The following CARMIL1 variants were observed in gnomAD, a reference collection of about 807,000 sequenced individuals.
The protein encoded by CARMIL1 is F-actin-uncapping protein LRRC16A.
CARMIL1 carries 90 observed loss-of-function variants against 177.1 expected under a neutral mutation model. That is an observed-to-expected ratio of 0.51 (90% CI 0.43 to 0.61). The LOEUF is 0.61. Among genes scored for constraint, CARMIL1 ranks in the 20% least tolerant of loss-of-function variants. CARMIL1 has a pLI of 0.00. For synonymous variants in CARMIL1, 577 were observed against 606.2 expected, an observed-to-expected ratio of 0.95 and a Z score of 0.71; for missense variants, 1,380 against 1,667.0, an observed-to-expected ratio of 0.83 and a Z score of 3.00.
At chr6:25,284,135 G>A (rs1048323401) in intron 1 of CARMIL1, among the ~76,000 whole-genome samples, 2 of 152,194 alleles carry the variant, frequency 1.3e-5, no homozygotes, top group Admixed American at 6.5e-5. Context: ...GGGCACCAGA[G>A]GTAACCAGCC....
intron 2 of CARMIL1, among the ~76,000 whole-genome samples, chr6:25,381,391 A>G (rs1581742828): frequency 6.6e-6 from 1 of 152,168 alleles, no homozygotes; most frequent in Non-Finnish European, 1.5e-5. Flanking sequence ...CCAACAACCA[A>G]TTCTTCGACT....
intron 2 of CARMIL1, among the ~76,000 whole-genome samples, chr6:25,306,972 C>CA (rs1206887305): frequency 6.6e-6 from 1 of 151,424 alleles, no homozygotes; most frequent in Non-Finnish European, 1.5e-5. Context: ...TCTGCCTCCC[C>CA]AGTTCAAGTG....
chr6:25,507,634 T>G (rs115326808), intron 17 of CARMIL1: 4,088 of 152,668 alleles, frequency 0.027, 77 homozygotes, highest in South Asian at 0.1. Context: ...GTTACCTATA[T>G]TTTCTATTTC....
chr6:25,489,048 C>T lies in CARMIL1; in HGVS notation c.1065+463C>T, dbSNP rs138390829. 7.6e-4 allele frequency among the ~76,000 whole-genome samples: 115 copies of T among 152,146 alleles called. No homozygotes were observed. The East Asian group carries it at 0.011, about 15-fold the overall frequency. On this transcript the variant is annotated intron_variant, in intron 13 of 36. Coordinates refer to ENST00000329474, the MANE Select transcript of CARMIL1 (RefSeq NM_017640.6). ...AGCATGGTGGCACTTGCCTGTAGTC[C>T]CAGGTACTCAGGAGGCTGAGGCAGG...
intron 2 of CARMIL1, among the ~76,000 whole-genome samples, chr6:25,361,246 A>G (rs1789160981): frequency 6.6e-6 from 1 of 152,180 alleles, no homozygotes; most frequent in South Asian, 2.1e-4. Context: ...CAGGTAGTTT[A>G]TGGTTTTGCA....
intron 22 of CARMIL1, among the ~76,000 whole-genome samples, chr6:25,517,903 C>G (rs1471356026): frequency 1.3e-5 from 2 of 152,180 alleles, no homozygotes; most frequent in Non-Finnish European, 1.5e-5. Flanking sequence ...ACTTCAGTAA[C>G]TAAAGCCTGC....
intron 1 of CARMIL1, among the ~76,000 whole-genome samples, chr6:25,280,188 G>A (rs1233366042): frequency 6.6e-6 from 1 of 152,136 alleles, no homozygotes; most frequent in Non-Finnish European, 1.5e-5. Flanking sequence ...GCAAGCGAGG[G>A]GAGCCCTTTA....
chr6:25,413,745 A>C (rs1343356486), intron 2 of CARMIL1, among the ~76,000 whole-genome samples: 1 of 152,158 alleles, frequency 6.6e-6, no homozygotes, highest in African/African-American at 2.4e-5. Flanking sequence ...GTGGGAGGGA[A>C]GTTGTAGCTT....
At chr6:25,456,767 A>G (rs145399589) in intron 8 of CARMIL1, among the ~76,000 whole-genome samples, 1,748 of 152,278 alleles carry the variant, frequency 0.011, 24 homozygotes, top group African/African-American at 0.035. Flanking sequence ...AATCCCATCA[A>G]TTCTTTGAAG....
chr6:25,476,164 T>G (rs1801558831), intron 11 of CARMIL1, among the ~76,000 whole-genome samples: 1 of 152,228 alleles, frequency 6.6e-6, no homozygotes, highest in Non-Finnish European at 1.5e-5. Flanking sequence ...GAGAGATTTG[T>G]TTTGGATAGA....
chr6:25,452,337 GAGAA>G (rs763216171), intron 8 of CARMIL1: 2 of 681,160 alleles, frequency 2.9e-6, no homozygotes, highest in East Asian at 2.5e-5. Context: ...AAAGTGAACT[GAGAA>G]AGAAAAAGGG....
chr6:25,456,220 T>A (rs1201440543), intron 8 of CARMIL1, among the ~76,000 whole-genome samples: 2 of 152,250 alleles, frequency 1.3e-5, no homozygotes, highest in African/African-American at 4.8e-5. Flanking sequence ...TATATCTTGC[T>A]ACTGCACTAA....
Position 25,573,539 on chromosome 6 carries a change from C to T in CARMIL1, c.2743-7385C>T, listed in dbSNP as rs1582405480. On this transcript the variant is annotated intron_variant, in intron 29 of 36. Coordinates refer to ENST00000329474, the MANE Select transcript of CARMIL1 (RefSeq NM_017640.6). Reference sequence around the variant, plus strand: ...CTGATGAGACAGTGGCCAAAAGACGCCTCTGCCAGTTTTTTGCCAGCAATA... The same window carrying T: ...CTGATGAGACAGTGGCCAAAAGACGTCTCTGCCAGTTTTTTGCCAGCAATA... Among the ~76,000 whole-genome samples the T allele has an allele frequency of 3.4e-5, 5 of 146,840 alleles. No individual in the cohort carries two copies. In the South Asian group the frequency reaches 1.1e-3, roughly 32 times the overall value.
intron 33 of CARMIL1, among the ~76,000 whole-genome samples, chr6:25,603,881 A>C (rs1470989426): frequency 1.3e-5 from 2 of 151,938 alleles, no homozygotes; most frequent in African/African-American, 4.8e-5. Context: ...CCCCATCATC[A>C]CCATCACTAA....
intron 2 of CARMIL1, among the ~76,000 whole-genome samples, chr6:25,285,882 G>A (rs1389078449): frequency 1.3e-5 from 2 of 151,720 alleles, no homozygotes; most frequent in Non-Finnish European, 2.9e-5. Flanking sequence ...ATTTTTTAAA[G>A]TCTTTTTGAG....
chr6:25,561,836 T>G (rs1054373264), intron 29 of CARMIL1, among the ~76,000 whole-genome samples: 3 of 152,190 alleles, frequency 2.0e-5, no homozygotes, highest in African/African-American at 7.2e-5. Context: ...AATTTTCTCA[T>G]AATTTTATTC....
chr6:25,283,048 T>G (rs1781263498), intron 1 of CARMIL1, among the ~76,000 whole-genome samples: 1 of 152,094 alleles, frequency 6.6e-6, no homozygotes, highest in Non-Finnish European at 1.5e-5. Context: ...TTTTGGAGGA[T>G]AAGTAGAATA....
chr6:25,369,958 C>G (rs1235204016), intron 2 of CARMIL1: 1 of 152,280 alleles, frequency 6.6e-6, no homozygotes, highest in African/African-American at 2.4e-5. Context: ...TGGCTGATTC[C>G]TTTTCCTAAT....
chr6:25,574,888 CCTCCTTAATACT>C (rs1812445292), intron 29 of CARMIL1, among the ~76,000 whole-genome samples: 1 of 152,012 alleles, frequency 6.6e-6, no homozygotes, highest in Admixed American at 6.5e-5. Context: ...TAATGGCCCC[CCTCCTTAATACT>C]CTCTCTTTGG....
Sources: gnomAD v4.1 joint callset for allele counts (sites outside exome capture counted in the v4.1 genomes callset) on GRCh38, gnomAD v4.1.1 for gene constraint, MANE v1.5 for transcripts, NCBI Gene and HGNC (gene_info 2026-07-23, HGNC 2026-07-21) for gene names.